The following ARHGAP6 variants were observed in gnomAD, a reference collection of about 807,000 sequenced individuals.
ARHGAP6 encodes rho GTPase-activating protein 6.
Under a neutral mutation model 55.7 loss-of-function variants are expected in ARHGAP6, and 16 were observed. That is an observed-to-expected ratio of 0.29 (90% confidence interval 0.19 to 0.44). ARHGAP6 has a LOEUF of 0.44. ARHGAP6 is among the 20% of genes least tolerant of loss of function. The pLI is 1.00. For synonymous variants in ARHGAP6, 382 were observed against 360.9 expected (o/e 1.06, Z -0.66); for missense variants, 698 against 808.9 (o/e 0.86, Z 1.66).
At chrX:11,316,083 G>A (rs758269365) in intron 1 of ARHGAP6, among the ~76,000 whole-genome samples, 2 of 112,012 alleles carry the variant, frequency 1.8e-5, no homozygotes, top group Non-Finnish European at 3.8e-5. Flanking sequence ...AGTAAATCTT[G>A]TTGGCTGTAC....
chrX:11,180,830 A>C (rs1199309652), intron 6 of ARHGAP6, among the ~76,000 whole-genome samples: 1 of 112,257 alleles, frequency 8.9e-6, no homozygotes, highest in East Asian at 2.8e-4. Flanking sequence ...AAAACAAAGA[A>C]GACTTCCACT....
At chrX:11,298,007 T>G in intron 1 of ARHGAP6, 1 of 888,849 alleles carries the variant, frequency 1.1e-6, no homozygotes, top group Non-Finnish European at 1.7e-6. Context: ...TCCTAGCATA[T>G]AAGAAAAGAT....
intron 1 of ARHGAP6, among the ~76,000 whole-genome samples, chrX:11,531,191 G>A (rs895917375): frequency 9.0e-6 from 1 of 111,505 alleles, no homozygotes; most frequent in East Asian, 2.8e-4. Context: ...AATCTAGGAT[G>A]TTCATCAACT....
At chrX:11,338,851 C>T (rs886815076) in intron 1 of ARHGAP6, among the ~76,000 whole-genome samples, 4 of 112,251 alleles carry the variant, frequency 3.6e-5, no homozygotes, top group Non-Finnish European at 5.6e-5. Context: ...ATTACCTTTG[C>T]CATCTGGACC....
intron 10 of ARHGAP6, among the ~76,000 whole-genome samples, chrX:11,150,412 A>C (rs1404816630): frequency 1.9e-5 from 2 of 103,903 alleles, no homozygotes; most frequent in East Asian, 5.6e-4. Context: ...ACCTCTATAT[A>C]CATGGTTTTG....
chrX:11,327,035 T>C (rs1651968113), intron 1 of ARHGAP6, among the ~76,000 whole-genome samples: 1 of 111,827 alleles, frequency 8.9e-6, no homozygotes, highest in African/African-American at 3.2e-5. Context: ...AATTTTACAT[T>C]AGGGAGTAGC....
intron 1 of ARHGAP6, among the ~76,000 whole-genome samples, chrX:11,439,948 T>C (rs112247493): frequency 8.9e-6 from 1 of 112,696 alleles, no homozygotes; most frequent in Non-Finnish European, 1.9e-5. Flanking sequence ...CTAATTAGTG[T>C]TTCCTAAGTG....
At chrX:11,621,057 T>A (rs374851490) in intron 1 of ARHGAP6, among the ~76,000 whole-genome samples, 97 of 111,636 alleles carry the variant, frequency 8.7e-4, no homozygotes, top group African/African-American at 3.0e-3. Flanking sequence ...AACCATCACC[T>A]AAAATGTGGT....
intron 1 of ARHGAP6, among the ~76,000 whole-genome samples, chrX:11,296,572 A>C (rs763334097): frequency 2.7e-5 from 3 of 112,065 alleles, no homozygotes; most frequent in Non-Finnish European, 5.6e-5. Context: ...CTTTAAAATA[A>C]AAGGTCTCCT....
intron 1 of ARHGAP6, among the ~76,000 whole-genome samples, chrX:11,660,879 C>T (rs2052694955): frequency 2.7e-5 from 3 of 110,774 alleles, no homozygotes; most frequent in African/African-American, 9.9e-5. Context: ...TTCAAGGCCC[C>T]CCAAAGCACA....
chrX:11,487,955 T>A (rs972356691), intron 1 of ARHGAP6, among the ~76,000 whole-genome samples: 1 of 112,345 alleles, frequency 8.9e-6, no homozygotes, highest in Non-Finnish European at 1.9e-5. Context: ...GAATGGGATA[T>A]TTATACCTCT....
intron 2 of ARHGAP6, among the ~76,000 whole-genome samples, chrX:11,234,738 C>T (rs1483779794): frequency 8.9e-6 from 1 of 112,671 alleles, no homozygotes; most frequent in Non-Finnish European, 1.9e-5. Flanking sequence ...CACACAAAAA[C>T]TTGTATGCCA....
rs146501623 is a variant in ARHGAP6 at position 11,507,971 on chromosome X, T to G, written c.588+156270A>C. On this transcript the variant is annotated intron_variant, in intron 1 of 12. Transcript: ENST00000337414. Reference sequence around the variant, plus strand: ...GTTTTTGCACAAAGTATGCTGAAAGTCAAAACACCCTCGTGGAACTTGGTT... The same window carrying G: ...GTTTTTGCACAAAGTATGCTGAAAGGCAAAACACCCTCGTGGAACTTGGTT... Among the ~76,000 whole-genome samples, 165 of 111,591 alleles carry G rather than the reference T, an allele frequency of 1.5e-3. 6 individuals are homozygous for G. The East Asian group carries it at 0.035, about 23-fold the overall frequency.
intron 1 of ARHGAP6, among the ~76,000 whole-genome samples, chrX:11,622,124 C>A (rs1342686429): frequency 8.9e-6 from 1 of 111,869 alleles, no homozygotes; most frequent in Non-Finnish European, 1.9e-5. Flanking sequence ...ATTAAAAGAA[C>A]TATGAAAGGA....
At chrX:11,277,418 G>T (rs745350660) in intron 1 of ARHGAP6, among the ~76,000 whole-genome samples, 64 of 110,541 alleles carry the variant, frequency 5.8e-4, no homozygotes, top group Non-Finnish European at 9.9e-4. Flanking sequence ...GGATCATATG[G>T]TAACTATGTA....
chrX:11,298,586 G>A, intron 1 of ARHGAP6: 1 of 1,211,147 alleles, frequency 8.3e-7, no homozygotes, highest in African/African-American at 1.7e-5. Flanking sequence ...GTGGATGGCT[G>A]CACCACCAAA....
chrX:11,219,096 T>C (rs1379745851), intron 2 of ARHGAP6, among the ~76,000 whole-genome samples: 1 of 85,155 alleles, frequency 1.2e-5, no homozygotes, highest in African/African-American at 4.6e-5. Context: ...GTCCATGTGA[T>C]CTCATTGTTC....
chrX:11,414,277 T>C (rs748906734), intron 1 of ARHGAP6, among the ~76,000 whole-genome samples: 16 of 112,494 alleles, frequency 1.4e-4, no homozygotes, highest in Non-Finnish European at 2.6e-4. Flanking sequence ...AATATGTCAA[T>C]AAATGCACAT....
At chrX:11,159,078 G>A (rs1390294753) in intron 9 of ARHGAP6, among the ~76,000 whole-genome samples, 1 of 111,642 alleles carries the variant, frequency 9.0e-6, no homozygotes, top group Admixed American at 9.5e-5. Flanking sequence ...CCAGGTAGAA[G>A]GAAGGAAAAG....
Sources: allele counts gnomAD v4.1 joint callset (sites outside exome capture counted in the v4.1 genomes callset), GRCh38; gene constraint gnomAD v4.1.1; transcripts MANE v1.5; gene names NCBI Gene and HGNC (gene_info 2026-07-23, HGNC 2026-07-21).